The following HSF2 variants were observed in gnomAD, a reference collection of about 807,000 sequenced individuals.
HSF2 encodes heat shock factor protein 2.
HSF2 carries 21 observed loss-of-function variants against 65.0 expected under a neutral mutation model. The observed-to-expected ratio is 0.32, with a 90% CI of 0.23 to 0.47. The LOEUF (loss-of-function observed/expected upper bound fraction) is 0.47, where lower values mean the gene tolerates loss of function less well. HSF2 is among the 20% of genes least tolerant of loss of function. The pLI is 1.00. For synonymous variants in HSF2, 225 were observed against 219.1 expected, an observed-to-expected ratio of 1.03 and a Z score of -0.24; for missense variants, 499 against 628.1, an observed-to-expected ratio of 0.79 and a Z score of 2.20.
Position 122,399,680 on chromosome 6 carries a change from C to CGCCGTAGCTGCG in HSF2, c.-54_-53insTAGCTGCGGCCG. The CGCCGTAGCTGCG allele has an allele frequency of 7.0e-7, 1 of 1,434,898 alleles. No individual in the cohort carries two copies. The highest frequency in any genetic ancestry group is 2.4e-5 in the East Asian group (1 of 41,364). The allele number at this position is 1,434,898 out of a possible 1,614,324, so 88.9% of individuals were successfully genotyped here. A position where few individuals can be genotyped will look rare whatever the true frequency, so the allele number is the denominator to read the frequency against. ...CTCGGGGAGCTGCTGCCGTAGCTGCCGCCGCCGCTACCACCGCGTTCGGGT... is the reference window on the plus strand; with the variant it reads ...CTCGGGGAGCTGCTGCCGTAGCTGCCGCCGTAGCTGCGGCCGCCGCTACCACCGCGTTCGGGT... On this transcript the variant is annotated 5_prime_UTR_variant, in exon 1 of 13. Coordinates refer to ENST00000368455, the MANE Select transcript of HSF2 (RefSeq NM_004506.4).
At chr6:122,419,558 T>TA (rs995982388) in intron 6 of HSF2, among the ~76,000 whole-genome samples, 182 of 149,706 alleles carry the variant, frequency 1.2e-3, no homozygotes, top group African/African-American at 3.7e-3. Context: ...GGCCATATGT[T>TA]AAAAAAAAAA....
intron 1 of HSF2, among the ~76,000 whole-genome samples, chr6:122,408,313 T>C (rs1166742769): frequency 6.6e-6 from 1 of 151,556 alleles, no homozygotes; most frequent in Non-Finnish European, 1.5e-5. Flanking sequence ...CTCTTCCACA[T>C]ATGTTTTAAA....
chr6:122,400,368 T>TA (rs1298859615), intron 1 of HSF2, among the ~76,000 whole-genome samples: 1 of 152,214 alleles, frequency 6.6e-6, no homozygotes, highest in Non-Finnish European at 1.5e-5. Context: ...GCAATAGACA[T>TA]ACGTTCAAAC....
At chr6:122,405,846 A>G (rs1773857779) in intron 1 of HSF2, among the ~76,000 whole-genome samples, 1 of 152,234 alleles carries the variant, frequency 6.6e-6, no homozygotes, top group African/African-American at 2.4e-5. Context: ...GAAAAAGTTT[A>G]TAAATCCCTG....
At chr6:122,431,864 T>C (rs1774477450) in intron 12 of HSF2, 61 bp from the exon 13 acceptor site, 1 of 1,453,246 alleles carries the variant, frequency 6.9e-7, no homozygotes, top group South Asian at 1.3e-5. Flanking sequence ...TTCATTTTTT[T>C]CCCCTCAGCT....
chr6:122,413,321 A>AT (rs1265988988), intron 3 of HSF2, among the ~76,000 whole-genome samples: 1 of 77,670 alleles, frequency 1.3e-5, no homozygotes, highest in East Asian at 4.0e-4. Flanking sequence ...CATTAAAAAA[A>AT]AATTTTTTTT....
chr6:122,431,845 A>G, intron 12 of HSF2, 80 bp from the exon 13 acceptor site: 1 of 1,239,870 alleles, frequency 8.1e-7, no homozygotes, highest in East Asian at 2.3e-5. Flanking sequence ...CTATGTGTAC[A>G]TCTCTGTTTT....
At chr6:122,412,522 T>A (rs761264945) in intron 2 of HSF2, 41 bp downstream of exon 2, 1 of 1,533,902 alleles carries the variant, frequency 6.5e-7, no homozygotes, top group South Asian at 1.1e-5. Context: ...CATTATCAGC[T>A]ACTGATGAAG....
chr6:122,405,081 C>T (rs1773838207), intron 1 of HSF2, among the ~76,000 whole-genome samples: 1 of 151,700 alleles, frequency 6.6e-6, no homozygotes. Context: ...AACCAAAGTG[C>T]CTACCTTTAT....
chr6:122,423,515 T>C, intron 9 of HSF2, 66 bp from the exon 10 acceptor site: 2 of 760,886 alleles, frequency 2.6e-6, no homozygotes, highest in South Asian at 4.4e-5. Context: ...CAAGTTGTAA[T>C]GGTGATTTTT....
At chr6:122,403,093 T>C (rs1242670930) in intron 1 of HSF2, among the ~76,000 whole-genome samples, 2 of 152,162 alleles carry the variant, frequency 1.3e-5, no homozygotes, top group African/African-American at 4.8e-5. Context: ...CCAATTGCGT[T>C]TTGGAAAACG....
In HSF2 at chr6:122,416,254, A is replaced by G. The variant is rs1187791882; in HGVS notation, c.489A>G (p.Glu163=). ...ENESLWKEVS[E]LRAKHAQQQQ... ...AGTCCCTTTGGAAGGAGGTGTCAGA[A>G]TTACGAGCAAAGCATGCACAACAGC... The change falls in exon 5 of 13, where the codon GAA becomes GAG. Residue 163 remains glutamate, a synonymous_variant. Transcript: ENST00000368455. The G allele has an allele frequency of 6.2e-7, 1 of 1,611,850 alleles. No individual in the cohort carries two copies. Among genetic ancestry groups the G allele is most frequent in the Admixed American group, 1.7e-5 (1 of 60,008 alleles).
At chr6:122,411,643 T>G (rs186912866) in intron 1 of HSF2, among the ~76,000 whole-genome samples, 2 of 152,114 alleles carry the variant, frequency 1.3e-5, no homozygotes, top group East Asian at 3.9e-4. Context: ...TTTTTTTGTA[T>G]GTAGATATCC....
intron 1 of HSF2, among the ~76,000 whole-genome samples, chr6:122,408,418 T>G (rs1018930567): frequency 6.6e-6 from 1 of 151,948 alleles, no homozygotes; most frequent in African/African-American, 2.4e-5. Flanking sequence ...GATATCTCTG[T>G]GTTGTGTATT....
At chr6:122,416,404 C>T (rs1315256001) in intron 5 of HSF2, 108 bp downstream of exon 5, 10 of 615,404 alleles carry the variant, frequency 1.6e-5, no homozygotes, top group Non-Finnish European at 2.6e-5. Flanking sequence ...TAGTTTCTTA[C>T]ATATTGGATG....
Position 122,432,260 on chromosome 6 carries a change from A to T in HSF2, c.*40A>T. ...GACTTTACATGTATATATTCATCAA[A>T]ATGATGAACTATTTATTTTAAAGTA... On this transcript the variant is annotated 3_prime_UTR_variant, in exon 13 of 13. Transcript: ENST00000368455. 3.5e-6 allele frequency: 5 copies of T among 1,415,674 alleles called. No homozygotes were observed. The highest frequency in any genetic ancestry group is 4.9e-6 in the Non-Finnish European group (5 of 1,029,380). The allele number at this position is 1,415,674 out of a possible 1,614,324, so 87.7% of individuals were successfully genotyped here.
intron 12 of HSF2, 47 bp from the exon 13 acceptor site, chr6:122,431,878 A>C: frequency 6.5e-7 from 1 of 1,530,968 alleles, no homozygotes; most frequent in South Asian, 1.2e-5. Flanking sequence ...CTCAGCTTGA[A>C]CTCAGTATAA....
intron 11 of HSF2, 104 bp from the exon 12 acceptor site, chr6:122,431,326 A>G (rs12205759): frequency 0.15 from 65,994 of 440,404 alleles, 5,301 homozygotes; most frequent in East Asian, 0.17. Context: ...CATCTCATAT[A>G]TTTCAGATAA....
In HSF2 at chr6:122,415,644, AC is replaced by A. The variant is rs1774108611; in HGVS notation, c.456-576del. Among the ~76,000 whole-genome samples, 3 of 152,232 alleles carry A rather than the reference AC, an allele frequency of 2.0e-5. No homozygotes were observed. The South Asian group carries it at 6.2e-4, about 32-fold the overall frequency. On this transcript the variant is annotated intron_variant, in intron 4 of 12. Coordinates refer to ENST00000368455, the MANE Select transcript of HSF2 (RefSeq NM_004506.4). Reference sequence around the variant, plus strand: ...TGTCAAAAGTAGTAAATTGCCAACTACTATATTGATGTAGGCATATGTCTTA... The same window carrying A: ...TGTCAAAAGTAGTAAATTGCCAACTATATATTGATGTAGGCATATGTCTTA...
Sources: gnomAD v4.1 joint callset for allele counts (sites outside exome capture counted in the v4.1 genomes callset) on GRCh38, gnomAD v4.1.1 for gene constraint, MANE v1.5 for transcripts, NCBI Gene and HGNC (gene_info 2026-07-23, HGNC 2026-07-21) for gene names.